The following FRS2 variants were observed in gnomAD, a reference collection of about 807,000 sequenced individuals.
FRS2 encodes the protein FGFR signalling adaptor.
Under a neutral mutation model 43.9 loss-of-function variants are expected in FRS2, and 8 were observed. The ratio of observed to expected loss-of-function variants is 0.18; its 90% confidence interval spans 0.11 to 0.33. The LOEUF (loss-of-function observed/expected upper bound fraction) is 0.33, where lower values mean the gene tolerates loss of function less well. FRS2 is among the 10% of genes least tolerant of loss of function. The pLI is 1.00. For synonymous variants in FRS2, 219 were observed against 220.3 expected (o/e 0.99, Z 0.05); for missense variants, 534 against 627.6 (o/e 0.85, Z 1.59).
intron 6 of FRS2, 128 bp downstream of exon 6, chr12:69,570,645 GAT>G (rs1880676421): frequency 1.6e-6 from 1 of 629,028 alleles, no homozygotes; most frequent in Non-Finnish European, 2.8e-6. Flanking sequence ...GTTAAGGAAA[GAT>G]ATAGTATACT....
rs769491241 is a variant in FRS2, at chr12:69,574,044, C to T, written c.616C>T (p.Arg206Trp). The T allele has an allele frequency of 9.0e-5, 146 of 1,613,534 alleles. No individual in the cohort carries two copies. Among genetic ancestry groups the T allele is most frequent in the Non-Finnish European group, 1.2e-4 (138 of 1,179,870 alleles). The change falls in exon 9 of 9, where the codon CGG becomes TGG. Residue 206 changes from arginine (R) to tryptophan (W), a missense_variant. Physicochemically the swap from Arg to Trp is moderately radical, Grantham distance 101. Transcript: ENST00000549921. Reference protein sequence around the residue: ...YVNTTGVQEERKNRTSVHVPL... With the variant: ...YVNTTGVQEEWKNRTSVHVPL... The stretch of plus-strand genomic sequence containing the variant: ...CAACACTACAGGTGTGCAAGAAGAG[C>T]GGAAAAACCGCACAAGTGTGCATGT...
At chr12:69,530,465 A>G (rs1358165320) in intron 1 of FRS2, among the ~76,000 whole-genome samples, 1 of 151,992 alleles carries the variant, frequency 6.6e-6, no homozygotes, top group Non-Finnish European at 1.5e-5. Flanking sequence ...GAGGCTGGGC[A>G]TGGTGGCTTA....
intron 1 of FRS2, among the ~76,000 whole-genome samples, chr12:69,524,214 A>C (rs1301660227): frequency 6.6e-6 from 1 of 151,808 alleles, no homozygotes; most frequent in African/African-American, 2.4e-5. Context: ...CTCCTATGAC[A>C]GTGGTGGTAT....
intron 1 of FRS2, among the ~76,000 whole-genome samples, chr12:69,508,598 TTAAAA>T (rs554774687): frequency 6.6e-6 from 1 of 152,222 alleles, no homozygotes; most frequent in Non-Finnish European, 1.5e-5. Context: ...TATTTTAAAA[TTAAAA>T]TGATATTTGT....
At chr12:69,482,402 T>A in intron 1 of FRS2, among the ~76,000 whole-genome samples, 1 of 152,200 alleles carries the variant, frequency 6.6e-6, no homozygotes, top group East Asian at 1.9e-4. Context: ...ATCTGGTAAA[T>A]TGGTAGAAGC....
chr12:69,541,631 G>A (rs1877909049), intron 3 of FRS2, among the ~76,000 whole-genome samples: 1 of 151,858 alleles, frequency 6.6e-6, no homozygotes, highest in Non-Finnish European at 1.5e-5. Context: ...TTTGAGACCA[G>A]CCTGGCAACA....
intron 3 of FRS2, chr12:69,538,112 T>C (rs2135691228): frequency 6.6e-6 from 1 of 151,748 alleles, no homozygotes; most frequent in African/African-American, 2.4e-5. Flanking sequence ...TGAAATTACC[T>C]TAAAGTCAAG....
chr12:69,473,653 A>G (rs867731932), intron 1 of FRS2, among the ~76,000 whole-genome samples: 6 of 152,186 alleles, frequency 3.9e-5, no homozygotes, highest in Admixed American at 2.0e-4. Context: ...GGTAATGAGA[A>G]GTTACCAAGG....
At chr12:69,546,545 A>G (rs1565763945) in intron 3 of FRS2, among the ~76,000 whole-genome samples, 1 of 152,068 alleles carries the variant, frequency 6.6e-6, no homozygotes, top group East Asian at 1.9e-4. Context: ...AGCATGTGAC[A>G]CCATGCCCGG....
chr12:69,565,137 G>C (rs1880182333), intron 4 of FRS2, among the ~76,000 whole-genome samples: 1 of 152,162 alleles, frequency 6.6e-6, no homozygotes, highest in Admixed American at 6.5e-5. Context: ...CAACAAATCT[G>C]AGCAACATCA....
chr12:69,536,402 C>T (rs71454234), intron 3 of FRS2, among the ~76,000 whole-genome samples: 1 of 151,322 alleles, frequency 6.6e-6, no homozygotes, highest in Non-Finnish European at 1.5e-5. Context: ...GGATTACAGG[C>T]GTGAGTCCCC....
At chr12:69,480,820 T>C (rs540864510) in intron 1 of FRS2, among the ~76,000 whole-genome samples, 1 of 152,326 alleles carries the variant, frequency 6.6e-6, no homozygotes, top group East Asian at 1.9e-4. Flanking sequence ...GATAATCCAG[T>C]ATCTGAAGTC....
chr12:69,488,185 A>G (rs910951583), intron 1 of FRS2, among the ~76,000 whole-genome samples: 1 of 152,246 alleles, frequency 6.6e-6, no homozygotes. Context: ...AAGAAGTTCT[A>G]CTGTGGGTAA....
intron 1 of FRS2, among the ~76,000 whole-genome samples, chr12:69,497,073 A>G (rs1165159210): frequency 1.3e-5 from 2 of 152,260 alleles, no homozygotes; most frequent in East Asian, 1.9e-4. Flanking sequence ...TTCATACAAC[A>G]AATCTTTATT....
At chr12:69,507,283 A>G (rs1429377626) in intron 1 of FRS2, among the ~76,000 whole-genome samples, 4 of 152,302 alleles carry the variant, frequency 2.6e-5, no homozygotes, top group East Asian at 1.9e-4. Flanking sequence ...CCGACACATA[A>G]TAGGCACTCA....
chr12:69,539,294 C>T (rs1220965523), intron 3 of FRS2, among the ~76,000 whole-genome samples: 1 of 152,110 alleles, frequency 6.6e-6, no homozygotes, highest in Non-Finnish European at 1.5e-5. Flanking sequence ...CCAGGCTGGT[C>T]TTGAACTCCT....
intron 3 of FRS2, among the ~76,000 whole-genome samples, 185 bp downstream of exon 3, chr12:69,532,241 T>A (rs1020809280): frequency 2.0e-5 from 3 of 152,226 alleles, no homozygotes; most frequent in African/African-American, 7.2e-5. Context: ...ATCATCTTGT[T>A]TGAATTTAGG....
chr12:69,472,224 C>T (rs1416082629), intron 1 of FRS2, among the ~76,000 whole-genome samples: 2 of 151,376 alleles, frequency 1.3e-5, no homozygotes, highest in African/African-American at 4.9e-5. Context: ...GTGGCTAGGA[C>T]TATAGGCACC....
chr12:69,505,449 A>G (rs1350046704), intron 1 of FRS2, among the ~76,000 whole-genome samples: 1 of 152,242 alleles, frequency 6.6e-6, no homozygotes, highest in Non-Finnish European at 1.5e-5. Flanking sequence ...TGGTATTCTC[A>G]TACTAGGGAA....
Sources: allele counts gnomAD v4.1 joint callset (sites outside exome capture counted in the v4.1 genomes callset), GRCh38; gene constraint gnomAD v4.1.1; transcripts MANE v1.5; gene names NCBI Gene and HGNC (gene_info 2026-07-23, HGNC 2026-07-21).